Variants in CEP63 observed in about 807,000 individuals in gnomAD.
The protein encoded by CEP63 is centrosomal protein 63, also known as centrosomal protein of 63 kDa.
CEP63 carries 84 observed loss-of-function variants against 89.1 expected under a neutral mutation model. The observed-to-expected ratio is 0.94, with a 90% CI of 0.79 to 1.13. CEP63 has a LOEUF of 1.13. Among genes scored for constraint, CEP63 ranks in the 50% most tolerant of loss-of-function variants. CEP63 has a pLI of 0.00. For synonymous variants in CEP63, 267 were observed against 272.5 expected (o/e 0.98, Z 0.20); for missense variants, 838 against 813.3 (o/e 1.03, Z -0.37).
At chr3:134,780,550 T>C in the CEP63 span, 2 of 152,354 alleles carry the variant, frequency 1.3e-5, no homozygotes, top group Non-Finnish European at 2.9e-5. Flanking sequence ...GCTTCACAAA[T>C]TTGCATGTTA....
the CEP63 span, among the ~76,000 whole-genome samples, chr3:134,707,739 C>CTTTTTTTTTTTT: frequency 4.2e-5 from 5 of 120,454 alleles, no homozygotes; most frequent in Non-Finnish European, 6.7e-5. Context: ...TGATTCTTTT[C>CTTTTTTTTTTTT]TTTTTTTTTT....
At chr3:134,499,153 C>T (rs148348921) in intron 2 of CEP63, among the ~76,000 whole-genome samples, 61 of 152,264 alleles carry the variant, frequency 4.0e-4, no homozygotes, top group Non-Finnish European at 8.1e-4. Flanking sequence ...AGCAGTAATG[C>T]CATCAGGTCC....
At chr3:134,618,324 A>T in the CEP63 span, among the ~76,000 whole-genome samples, 2 of 152,074 alleles carry the variant, frequency 1.3e-5, no homozygotes, top group Non-Finnish European at 1.5e-5. Flanking sequence ...TGGTTTGATG[A>T]ATTGCCACCT....
the CEP63 span, among the ~76,000 whole-genome samples, chr3:134,748,717 C>T: frequency 2.0e-5 from 3 of 152,174 alleles, no homozygotes; most frequent in Non-Finnish European, 2.9e-5. Flanking sequence ...GAAGTCCTGG[C>T]TTTGAATCAG....
the CEP63 span, among the ~76,000 whole-genome samples, chr3:134,644,979 G>T: frequency 6.6e-6 from 1 of 152,254 alleles, no homozygotes; most frequent in Non-Finnish European, 1.5e-5. Context: ...ACCGCCTTCT[G>T]CAGGCACAGC....
the CEP63 span, among the ~76,000 whole-genome samples, chr3:134,694,909 G>A: frequency 5.4e-3 from 830 of 152,336 alleles, 6 homozygotes; most frequent in African/African-American, 0.018. Context: ...GTGTGGGCAC[G>A]TGTGTTTGTA....
At chr3:134,585,283 G>A (rs1435195153) in intron 10 of CEP63, among the ~76,000 whole-genome samples, 1 of 151,922 alleles carries the variant, frequency 6.6e-6, no homozygotes, top group East Asian at 1.9e-4. Context: ...TGATGTTAGG[G>A]TGTCAATTTT....
At chr3:134,629,337 G>T in the CEP63 span, 2 of 406,008 alleles carry the variant, frequency 4.9e-6, no homozygotes, top group Middle Eastern at 6.8e-4. Context: ...TAAACAAATG[G>T]TATCTAAAAG....
chr3:134,720,247 T>C, the CEP63 span, among the ~76,000 whole-genome samples: 1 of 152,138 alleles, frequency 6.6e-6, no homozygotes, highest in African/African-American at 2.4e-5. Context: ...TTCCTGTTGG[T>C]CATTATACAT....
downstream of CEP63, among the ~76,000 whole-genome samples, chr3:134,592,276 C>T (rs147912506): frequency 7.0e-4 from 106 of 152,318 alleles, no homozygotes; most frequent in African/African-American, 2.4e-3. Context: ...AAGGAGGAGG[C>T]TATAATGCCT....
At chr3:134,576,671 T>C (rs962281497), downstream of CEP63, among the ~76,000 whole-genome samples, 1 of 152,176 alleles carries the variant, frequency 6.6e-6, no homozygotes. Flanking sequence ...CCAGGTGAGA[T>C]GCTGAAAAGG....
chr3:134,546,520 G>A (rs1219319460), intron 8 of CEP63, among the ~76,000 whole-genome samples: 6 of 151,980 alleles, frequency 3.9e-5, no homozygotes, highest in Admixed American at 6.6e-5. Flanking sequence ...TACCACACCT[G>A]GCTAGTTTTT....
chr3:134,619,644 G>A, the CEP63 span, among the ~76,000 whole-genome samples: 2 of 152,210 alleles, frequency 1.3e-5, no homozygotes, highest in African/African-American at 4.8e-5. Context: ...GACCCATGGG[G>A]CACACAGAGC....
the CEP63 span, among the ~76,000 whole-genome samples, chr3:134,680,874 G>A: frequency 6.6e-6 from 1 of 152,254 alleles, no homozygotes; most frequent in Admixed American, 6.5e-5. Context: ...ATTCAAGTCT[G>A]TTTAGAACTT....
the CEP63 span, among the ~76,000 whole-genome samples, chr3:134,618,751 C>T: frequency 6.6e-5 from 10 of 152,154 alleles, no homozygotes; most frequent in Non-Finnish European, 1.3e-4. Flanking sequence ...TTTTGTTTCC[C>T]CCAAAAGAGG....
chr3:134,583,883 A>T (rs1338585484), intron 10 of CEP63, among the ~76,000 whole-genome samples: 1 of 152,120 alleles, frequency 6.6e-6, no homozygotes, highest in Non-Finnish European at 1.5e-5. Flanking sequence ...TTCTCCTTGA[A>T]GAGGTCCTTC....
At chr3:134,593,656 G>A in the CEP63 span, among the ~76,000 whole-genome samples, 3 of 152,148 alleles carry the variant, frequency 2.0e-5, no homozygotes, top group African/African-American at 7.2e-5. Flanking sequence ...AGGAAAACTC[G>A]AGGCTTCAAT....
the CEP63 span, chr3:134,650,877 A>G: frequency 2.1e-5 from 34 of 1,612,484 alleles, no homozygotes; most frequent in African/African-American, 4.0e-4. Flanking sequence ...CTGAGAGCGT[A>G]CCCTGTGCGG....
downstream of CEP63, among the ~76,000 whole-genome samples, chr3:134,569,165 C>G (rs1957915939): frequency 6.6e-6 from 1 of 152,232 alleles, no homozygotes; most frequent in Non-Finnish European, 1.5e-5. Context: ...GGTGGGGCCC[C>G]AGCCAAACCA....
Sources: allele counts gnomAD v4.1 joint callset (sites outside exome capture counted in the v4.1 genomes callset), GRCh38; gene constraint gnomAD v4.1.1; transcripts MANE v1.5; gene names NCBI Gene and HGNC (gene_info 2026-07-23, HGNC 2026-07-21).